Variants in NXPE1 observed in about 807,000 individuals in gnomAD.
NXPE1 encodes neurexophilin and PC-esterase domain family member 1, also known as NXPE family member 1.
In NXPE1, 31 loss-of-function variants were observed where a neutral mutation model predicts 33.3. The observed-to-expected ratio is 0.93, with a 90% CI of 0.70 to 1.26. The LOEUF is 1.26. Ranked by LOEUF, NXPE1 falls within the 50% of genes most tolerant of loss-of-function variation. The pLI is 0.00. For missense variants in NXPE1, 661 were observed against 655.6 expected, an observed-to-expected ratio of 1.01 and a Z score of -0.09; for synonymous variants, 229 against 231.4, an observed-to-expected ratio of 0.99 and a Z score of 0.09.
intron 5 of NXPE1, among the ~76,000 whole-genome samples, chr11:114,534,784 A>C (rs141867117): frequency 0.014 from 2,074 of 152,304 alleles, 50 homozygotes; most frequent in African/African-American, 0.048. Flanking sequence ...GACTATGTGA[A>C]AAGACCAAAT....
chr11:114,553,113 T>C (rs1471420311), intron 1 of NXPE1, among the ~76,000 whole-genome samples: 2 of 152,170 alleles, frequency 1.3e-5, no homozygotes, highest in Non-Finnish European at 2.9e-5. Flanking sequence ...TTCCTATTCA[T>C]TGTTTGGGTT....
intron 1 of NXPE1, chr11:114,554,122 T>A: frequency 4.1e-6 from 4 of 985,450 alleles, no homozygotes; most frequent in Non-Finnish European, 4.8e-6. Flanking sequence ...TATGCTTCTA[T>A]ATGGTCATCC....
intron 5 of NXPE1, among the ~76,000 whole-genome samples, chr11:114,531,759 C>T (rs928684204): frequency 6.6e-6 from 1 of 152,100 alleles, no homozygotes; most frequent in Non-Finnish European, 1.5e-5. Flanking sequence ...CTGAATATCC[C>T]CTGAATTCCC....
chr11:114,530,727 G>C, exon 6 of NXPE1: 1 of 1,614,210 alleles, frequency 6.2e-7, no homozygotes, highest in Non-Finnish European at 8.5e-7. Context: ...ACTGGTGGTG[G>C]TGTTCACATG....
intron 5 of NXPE1, among the ~76,000 whole-genome samples, chr11:114,535,443 A>C (rs1401977760): frequency 2.0e-5 from 3 of 152,190 alleles, no homozygotes; most frequent in Admixed American, 1.3e-4. Context: ...ACTAACCATA[A>C]ATGTAAATGC....
chr11:114,519,058 A>G (rs1034353869), downstream of NXPE1, among the ~76,000 whole-genome samples: 9 of 152,222 alleles, frequency 5.9e-5, no homozygotes, highest in African/African-American at 2.2e-4. Flanking sequence ...AACCCCAAGA[A>G]CAAAACCAGA....
At chr11:114,520,966 C>G (rs532916920), downstream of NXPE1, among the ~76,000 whole-genome samples, 1 of 152,286 alleles carries the variant, frequency 6.6e-6, no homozygotes, top group South Asian at 2.1e-4. Context: ...AAGTGACAGC[C>G]TGCTATATCC....
intron 7 of NXPE1, among the ~76,000 whole-genome samples, chr11:114,524,079 A>G (rs1181554064): frequency 6.6e-6 from 1 of 152,206 alleles, no homozygotes; most frequent in Non-Finnish European, 1.5e-5. Flanking sequence ...CTTTAATCTC[A>G]TGGTCTAACT....
Position 114,552,082 on chromosome 11 carries a change from G to C in NXPE1, c.-178C>G, listed in dbSNP as rs1350069. 38,108 of 152,142 alleles carry C rather than the reference G, an allele frequency of 0.25. 5,017 individuals are homozygous for C. The highest frequency in any genetic ancestry group is 0.44 in the East Asian group (2,281 of 5,174). 9.4% of individuals were successfully genotyped at this position (152,142 alleles called of 1,614,324 possible). A position where few individuals can be genotyped will look rare whatever the true frequency, so the allele number is the denominator to read the frequency against. On this transcript the variant is annotated 5_prime_UTR_variant, in exon 3 of 9. In the 5' UTR this introduces an upstream ATG that the reference lacks. Coordinates refer to ENST00000534921, the Ensembl canonical transcript of NXPE1. ...GAATCTGGATGCGCAGAGCAATTTA[G>C]ATACTTCACAGGCAAAATGGAAGTG...
At chr11:114,534,142 T>A (rs1947699961) in intron 5 of NXPE1, among the ~76,000 whole-genome samples, 1 of 152,238 alleles carries the variant, frequency 6.6e-6, no homozygotes, top group Non-Finnish European at 1.5e-5. Flanking sequence ...TCCGCTGTTC[T>A]GCAGCCACCA....
chr11:114,533,272 G>A (rs1425093330), intron 5 of NXPE1, among the ~76,000 whole-genome samples: 1 of 152,142 alleles, frequency 6.6e-6, no homozygotes, highest in East Asian at 1.9e-4. Flanking sequence ...AAACTCAAAA[G>A]CATTTAAATT....
intron 5 of NXPE1, among the ~76,000 whole-genome samples, chr11:114,542,575 G>A (rs1197748775): frequency 3.9e-5 from 6 of 152,108 alleles, no homozygotes; most frequent in African/African-American, 1.4e-4. Context: ...GGGGGAGTGG[G>A]GAGAGCTATG....
Position 114,527,821 on chromosome 11 carries a change from C to T in NXPE1, c.895+19G>A, listed in dbSNP as rs1947423623. 6.3e-7 allele frequency: 1 copy of T among 1,585,108 alleles called. No homozygotes were observed. Among genetic ancestry groups the T allele is most frequent in the Non-Finnish European group, 8.6e-7 (1 of 1,164,208 alleles). On this transcript the variant is annotated intron_variant, in intron 7 of 8. Transcript: ENST00000534921. ...AGTTTCCTCTGAGCATCACCTAACT[C>T]AGGACAGAGCCAACTTACTGTTACA...
intron 7 of NXPE1, chr11:114,526,708 A>T (rs1947379495): frequency 6.6e-6 from 1 of 152,218 alleles, no homozygotes; most frequent in Non-Finnish European, 1.5e-5. Context: ...GACGGGAATT[A>T]TCAGGTAAAA....
intron 1 of NXPE1, among the ~76,000 whole-genome samples, chr11:114,558,347 G>C (rs1325844591): frequency 6.6e-6 from 1 of 152,088 alleles, no homozygotes; most frequent in Non-Finnish European, 1.5e-5. Flanking sequence ...GGCACACATA[G>C]AGAACAAAGA....
At chr11:114,528,473 AT>A (rs1236911574) in intron 6 of NXPE1, among the ~76,000 whole-genome samples, 1 of 152,146 alleles carries the variant, frequency 6.6e-6, no homozygotes, top group East Asian at 1.9e-4. Flanking sequence ...TCCTGCTATG[AT>A]TACCTTTGAC....
At chr11:114,533,257 C>G (rs1457708365) in intron 5 of NXPE1, among the ~76,000 whole-genome samples, 2 of 152,138 alleles carry the variant, frequency 1.3e-5, no homozygotes, top group Non-Finnish European at 2.9e-5. Context: ...ACAAAACAAA[C>G]TCACAAACTC....
intron 5 of NXPE1, among the ~76,000 whole-genome samples, chr11:114,538,739 A>G (rs978000938): frequency 5.3e-5 from 8 of 152,236 alleles, no homozygotes; most frequent in South Asian, 2.1e-4. Context: ...ATGAGATACC[A>G]TCTCACACCA....
At chr11:114,540,400 TTAAG>T (rs1481906495) in intron 5 of NXPE1, among the ~76,000 whole-genome samples, 7 of 152,112 alleles carry the variant, frequency 4.6e-5, no homozygotes, top group African/African-American at 1.7e-4. Context: ...AATGAAAAAA[TTAAG>T]TATGTAAATT....
Sources: gnomAD v4.1 joint callset for allele counts (sites outside exome capture counted in the v4.1 genomes callset) on GRCh38, gnomAD v4.1.1 for gene constraint, MANE v1.5 for transcripts, NCBI Gene and HGNC (gene_info 2026-07-23, HGNC 2026-07-21) for gene names.